Variants in STOX1 observed in about 807,000 individuals in gnomAD.
The protein encoded by STOX1 is storkhead box 1.
In STOX1, 57 loss-of-function variants were observed where a neutral mutation model predicts 74.8. The ratio of observed to expected loss-of-function variants is 0.76; its 90% CI spans 0.62 to 0.95. The LOEUF is 0.95. Ranked by LOEUF, STOX1 falls within the 40% of genes least tolerant of loss-of-function variation. The pLI is 0.00. For missense variants in STOX1, 1,010 were observed against 1,117.0 expected, an observed-to-expected ratio of 0.90 and a Z score of 1.37; for synonymous variants, 375 against 401.3, an observed-to-expected ratio of 0.93 and a Z score of 0.78.
Position 68,885,897 on chromosome 10 carries a change from C to A in STOX1, c.2101C>A (p.Gln701Lys). Residue 701 changes from glutamine to lysine, a missense_variant, in exon 3 of 4, where the codon CAG becomes AAG. Coordinates refer to ENST00000298596, the MANE Select transcript of STOX1 (RefSeq NM_152709.5). ...AGAATTATTGAGAAAAGGATTTGTC[C>A]AGGATGCAGAGACTACAAGCCTAGA... ...SEELLRKGFV[Q>K]DAETTSLENE... 1 of 1,614,106 alleles carries A rather than the reference C, an allele frequency of 6.2e-7. No homozygotes were observed. Among genetic ancestry groups the A allele is most frequent in the Non-Finnish European group, 8.5e-7 (1 of 1,180,020 alleles).
chr10:68,836,279 C>T (rs974852319), intron 1 of STOX1, among the ~76,000 whole-genome samples: 1 of 152,184 alleles, frequency 6.6e-6, no homozygotes, highest in African/African-American at 2.4e-5. Context: ...GACACAGTAG[C>T]CCCTTTTCAG....
rs1269285268 is a variant in STOX1 at position 68,828,185 on chromosome 10, C to A, written c.310+252C>A. The A allele has an allele frequency of 5.3e-5, 44 of 830,404 alleles. No homozygotes were observed. The Admixed American group carries it at 1.8e-3, about 34-fold the overall frequency. The allele number at this position is 830,404 out of a possible 1,614,324, so 51.4% of individuals were successfully genotyped here. On this transcript the variant is annotated intron_variant, in intron 1 of 3. Coordinates refer to ENST00000298596, the MANE Select transcript of STOX1 (RefSeq NM_152709.5). ...GCGGGGGGTGCTGCTGGTGCGCGCG[C>A]CCCCCGCCTGCCTGCAGGTGCTGCG...
chr10:68,848,914 G>A (rs1839915871), intron 1 of STOX1, among the ~76,000 whole-genome samples: 1 of 152,058 alleles, frequency 6.6e-6, no homozygotes, highest in South Asian at 2.1e-4. Context: ...AAGCAATCCT[G>A]TTGCCTTGGG....
chr10:68,831,151 G>A (rs1839397514), intron 1 of STOX1, among the ~76,000 whole-genome samples: 1 of 152,138 alleles, frequency 6.6e-6, no homozygotes, highest in African/African-American at 2.4e-5. Flanking sequence ...AGGACAAAAA[G>A]AGTCAATCTG....
At chr10:68,891,250 G>T (rs1338378976) in intron 3 of STOX1, among the ~76,000 whole-genome samples, 1 of 152,160 alleles carries the variant, frequency 6.6e-6, no homozygotes, top group Admixed American at 6.6e-5. Flanking sequence ...TGCCATGATG[G>T]TTATAAGGAT....
chr10:68,875,362 G>C (rs1315831724), intron 1 of STOX1, among the ~76,000 whole-genome samples: 1 of 152,186 alleles, frequency 6.6e-6, no homozygotes, highest in Non-Finnish European at 1.5e-5. Flanking sequence ...AGGGCCCCTG[G>C]TTGAAGATCT....
rs140545241 is a variant in STOX1, at chr10:68,879,870, C to T, written c.311-2088C>T. Among the ~76,000 whole-genome samples, 417 of 152,196 alleles carry T rather than the reference C, an allele frequency of 2.7e-3. 2 individuals carry two copies. The highest frequency in any genetic ancestry group is 0.02 in the Middle Eastern group (6 of 294). On this transcript the variant is annotated intron_variant, in intron 1 of 3. Transcript: ENST00000298596. ...TACAATGCACAGGGCAGCCTCCCAC[C>T]GCAAAATTATCTGGCTAGGGTGGCT...
At chr10:68,871,570 T>C (rs1024809359) in intron 1 of STOX1, among the ~76,000 whole-genome samples, 3 of 152,200 alleles carry the variant, frequency 2.0e-5, no homozygotes, top group Admixed American at 6.5e-5. Flanking sequence ...AACATTACCA[T>C]GCTTGAGAAA....
intron 1 of STOX1, among the ~76,000 whole-genome samples, chr10:68,846,119 TTTATTATTATTATTATTA>T (rs201726154): frequency 0.017 from 2,343 of 135,828 alleles, 91 homozygotes; most frequent in African/African-American, 0.059. Flanking sequence ...GCTTGAGGTT[TTTATTATTATTATTATTA>T]TTATTATTAT....
intron 1 of STOX1, among the ~76,000 whole-genome samples, chr10:68,870,277 G>A (rs1292637582): frequency 6.6e-6 from 1 of 151,838 alleles, no homozygotes; most frequent in African/African-American, 2.4e-5. Flanking sequence ...TTGCCTTTGT[G>A]GCCTCCAGAA....
At chr10:68,834,647 C>T (rs1230286971) in intron 1 of STOX1, among the ~76,000 whole-genome samples, 1 of 152,230 alleles carries the variant, frequency 6.6e-6, no homozygotes, top group Non-Finnish European at 1.5e-5. Context: ...ATTACCATTA[C>T]CCCAGAAAGT....
In STOX1 at chr10:68,844,097, A is replaced by G. The variant is rs190485943; in HGVS notation, c.310+16164A>G. The stretch of plus-strand genomic sequence containing the variant: ...TGGGAGCCTGAGGCTGGAGAATGGC[A>G]TGAGCCCGGGAGGCGGAGCTTGCAG... On this transcript the variant is annotated intron_variant, in intron 1 of 3. Coordinates refer to ENST00000298596, the MANE Select transcript of STOX1 (RefSeq NM_152709.5). Among the ~76,000 whole-genome samples the G allele has an allele frequency of 3.4e-3, 509 of 151,788 alleles. 4 individuals carry two copies. Among genetic ancestry groups the G allele is most frequent in the African/African-American group, 0.012 (488 of 41,482 alleles).
At chr10:68,844,294 C>CTTTTTTT (rs777175392) in intron 1 of STOX1, among the ~76,000 whole-genome samples, 5 of 104,700 alleles carry the variant, frequency 4.8e-5, no homozygotes, top group South Asian at 3.1e-4. Context: ...TCTGGATCTT[C>CTTTTTTT]TTTTTTTTTT....
At chr10:68,873,227 C>CT (rs1307171217) in intron 1 of STOX1, among the ~76,000 whole-genome samples, 1 of 143,998 alleles carries the variant, frequency 6.9e-6, no homozygotes, top group Non-Finnish European at 1.5e-5. Flanking sequence ...CAGGGACCCT[C>CT]TTTTTAGGGG....
At chr10:68,845,271 ATTTTTTTTT>A (rs999265975) in intron 1 of STOX1, among the ~76,000 whole-genome samples, 1 of 121,938 alleles carries the variant, frequency 8.2e-6, no homozygotes, top group African/African-American at 3.2e-5. Context: ...CAGCTGGCTA[ATTTTTTTTT>A]TTTTTTTTTT....
intron 1 of STOX1, among the ~76,000 whole-genome samples, chr10:68,875,384 C>T (rs1840650238): frequency 6.6e-6 from 1 of 152,190 alleles, no homozygotes; most frequent in South Asian, 2.1e-4. Context: ...TCCAGTACCA[C>T]AGTTCTTGGG....
chr10:68,832,157 G>C (rs532229754), intron 1 of STOX1, among the ~76,000 whole-genome samples: 32 of 152,110 alleles, frequency 2.1e-4, no homozygotes, highest in Non-Finnish European at 4.0e-4. Flanking sequence ...TGCCTAACCA[G>C]CTGAGCCACT....
chr10:68,891,448 G>A (rs1339752300), intron 3 of STOX1, among the ~76,000 whole-genome samples: 1 of 152,196 alleles, frequency 6.6e-6, no homozygotes, highest in Non-Finnish European at 1.5e-5. Context: ...ATATGTTTGA[G>A]ATATATTTTA....
chr10:68,875,321 C>T (rs910528339), intron 1 of STOX1, among the ~76,000 whole-genome samples: 8 of 152,232 alleles, frequency 5.3e-5, no homozygotes, highest in Non-Finnish European at 1.0e-4. Context: ...TCCCAGTGAT[C>T]ATCTGTAACT....
Sources: gnomAD v4.1 joint callset for allele counts (sites outside exome capture counted in the v4.1 genomes callset) on GRCh38, gnomAD v4.1.1 for gene constraint, MANE v1.5 for transcripts, NCBI Gene and HGNC (gene_info 2026-07-23, HGNC 2026-07-21) for gene names.